ZNF385C: variants seen among roughly 807,000 people sequenced by gnomAD.
ZNF385C encodes CTD-2132N18.2.
A neutral mutation model predicts 35.4 loss-of-function variants in ZNF385C; 28 were observed. The ratio of observed to expected loss-of-function variants is 0.79; its 90% CI spans 0.59 to 1.08. ZNF385C has a LOEUF of 1.08. Among genes scored for constraint, ZNF385C ranks in the 50% least tolerant of loss-of-function variants. The probability of loss-of-function intolerance (pLI) is 0.00; values close to 1 mark genes in which losing one functional copy is unlikely to be tolerated. For missense variants in ZNF385C, 605 were observed against 595.6 expected (o/e 1.02, Z -0.16); for synonymous variants, 248 against 248.2 (o/e 1.00, Z 0.01).
intron 1 of ZNF385C, among the ~76,000 whole-genome samples, chr17:42,089,220 G>A (rs142559869): frequency 0.053 from 8,034 of 152,178 alleles, 224 homozygotes; most frequent in Non-Finnish European, 0.061. Flanking sequence ...GGAGGCTGAG[G>A]TGGGAGGATA....
intron 2 of ZNF385C, chr17:42,040,246 T>G: frequency 1.6e-6 from 2 of 1,231,248 alleles, no homozygotes; most frequent in Non-Finnish European, 2.0e-6. Flanking sequence ...CCGCATGGAG[T>G]CCAGGAAGGA....
chr17:42,058,708 C>T (rs562220740), intron 2 of ZNF385C, among the ~76,000 whole-genome samples: 12 of 152,270 alleles, frequency 7.9e-5, no homozygotes, highest in African/African-American at 2.2e-4. Context: ...CAGGCTAGAG[C>T]GCAGTGGCGT....
chr17:42,089,658 A>C (rs1555660352), intron 1 of ZNF385C, among the ~76,000 whole-genome samples: 1 of 152,076 alleles, frequency 6.6e-6, no homozygotes, highest in Non-Finnish European at 1.5e-5. Context: ...TTTTGGTTTT[A>C]ATTTAAATCT....
At chr17:42,031,035 G>A (rs2143538982) in intron 5 of ZNF385C, among the ~76,000 whole-genome samples, 1 of 125,900 alleles carries the variant, frequency 7.9e-6, no homozygotes, top group South Asian at 2.8e-4. Flanking sequence ...AGTCACCCAG[G>A]TTGTAGTCTC....
intron 2 of ZNF385C, chr17:42,038,256 T>A (rs1409600853): frequency 1.8e-6 from 1 of 555,474 alleles, no homozygotes; most frequent in Non-Finnish European, 3.1e-6. Context: ...TCCATTTTAT[T>A]GCAAATTAAA....
chr17:42,049,976 G>C (rs1158619643), intron 2 of ZNF385C, among the ~76,000 whole-genome samples: 1 of 152,216 alleles, frequency 6.6e-6, no homozygotes, highest in Non-Finnish European at 1.5e-5. Context: ...CTATTGGACA[G>C]AGCTGCTATA....
chr17:42,093,671 C>G (rs1468199635), intron 1 of ZNF385C, among the ~76,000 whole-genome samples: 2 of 151,622 alleles, frequency 1.3e-5, no homozygotes, highest in Non-Finnish European at 2.9e-5. Context: ...ACCTGTACCT[C>G]CCAGGCTCAG....
intron 1 of ZNF385C, among the ~76,000 whole-genome samples, chr17:42,087,549 A>G (rs1567997490): frequency 6.6e-6 from 1 of 152,240 alleles, no homozygotes; most frequent in Non-Finnish European, 1.5e-5. Context: ...AAAGAGTTTT[A>G]AAGACAAAAC....
At chr17:42,069,872 G>A (rs576098999) in intron 1 of ZNF385C, among the ~76,000 whole-genome samples, 22 of 152,014 alleles carry the variant, frequency 1.4e-4, no homozygotes, top group Middle Eastern at 3.4e-3. Flanking sequence ...GTGAAACCCC[G>A]TCTCTACTAA....
chr17:42,039,545 G>C (rs988643504), intron 2 of ZNF385C: 3 of 590,122 alleles, frequency 5.1e-6, no homozygotes, highest in African/African-American at 1.9e-5. Context: ...CACAGGGTGG[G>C]GGGGGTTGGT....
intron 1 of ZNF385C, among the ~76,000 whole-genome samples, chr17:42,068,201 C>T (rs1175168358): frequency 6.6e-6 from 1 of 152,172 alleles, no homozygotes; most frequent in Non-Finnish European, 1.5e-5. Context: ...CTGTCTAACC[C>T]TGCCCTGAGC....
intron 2 of ZNF385C, chr17:42,062,594 C>A: frequency 2.5e-6 from 1 of 394,048 alleles, no homozygotes; most frequent in Non-Finnish European, 4.5e-6. Context: ...TAAGGACCCA[C>A]AGATTCCGAG....
chr17:42,091,068 G>C (rs1555660517), intron 1 of ZNF385C, among the ~76,000 whole-genome samples: 2 of 152,152 alleles, frequency 1.3e-5, no homozygotes, highest in African/African-American at 4.8e-5. Context: ...GTAGGGGCTG[G>C]GACAGGGTAG....
Position 42,025,820 on chromosome 17 carries a change from G to C in ZNF385C, c.*1077C>G, listed in dbSNP as rs1477001945. 6.6e-6 allele frequency: 1 copy of C among 152,312 alleles called. No individual in the cohort carries two copies. Among genetic ancestry groups the C allele is most frequent in the Non-Finnish European group, 1.5e-5 (1 of 68,060 alleles). The allele number at this position is 152,312 out of a possible 1,614,324, so 9.4% of individuals were successfully genotyped here. A position where few individuals can be genotyped will look rare whatever the true frequency, so the allele number is the denominator to read the frequency against. ...CAGCATGAAAATGGGTCTTGCCAGT[G>C]CATGTGAGACTGCCTCCCAACACTC... On this transcript the variant is annotated 3_prime_UTR_variant, in exon 9 of 9. Coordinates refer to ENST00000692273, the MANE Select transcript of ZNF385C (RefSeq NM_001392013.1).
At chr17:42,072,682 C>T (rs1196836893) in intron 1 of ZNF385C, among the ~76,000 whole-genome samples, 1 of 152,134 alleles carries the variant, frequency 6.6e-6, no homozygotes, top group Non-Finnish European at 1.5e-5. Context: ...TCCGAGCCCG[C>T]CCCCGGGCGG....
chr17:42,027,200 C>T, intron 8 of ZNF385C, 67 bp from the exon 9 acceptor site: 1 of 1,419,240 alleles, frequency 7.0e-7, no homozygotes, highest in African/African-American at 1.4e-5. Context: ...CCCTGGGGCC[C>T]ATCCTCAAGC....
Position 42,049,654 on chromosome 17 carries a change from GC to G in ZNF385C, c.251-11770del, listed in dbSNP as rs1456022207. ...GATCTCAGAATGGGGGCAGAGGGGT[GC>G]AAAAGCAAGGTGATGCCCTTCTGGA... On this transcript the variant is annotated intron_variant, in intron 2 of 8. Coordinates refer to ENST00000692273, the MANE Select transcript of ZNF385C (RefSeq NM_001392013.1). 2.6e-5 allele frequency among the ~76,000 whole-genome samples: 4 copies of G among 152,346 alleles called. No individual in the cohort carries two copies. The East Asian group carries it at 5.8e-4, about 22-fold the overall frequency.
At chr17:42,057,391 A>C (rs2053392931) in intron 2 of ZNF385C, among the ~76,000 whole-genome samples, 1 of 152,100 alleles carries the variant, frequency 6.6e-6, no homozygotes, top group Non-Finnish European at 1.5e-5. Context: ...CTGTCCCCCG[A>C]TGCCCTGTGC....
intron 5 of ZNF385C, 111 bp downstream of exon 5, chr17:42,031,508 T>C (rs1555654986): frequency 1.5e-6 from 2 of 1,353,672 alleles, no homozygotes; most frequent in African/African-American, 1.5e-5. Flanking sequence ...TTTGCCTGTC[T>C]GTATGGAATA....
Sources: gnomAD v4.1 joint callset for allele counts (sites outside exome capture counted in the v4.1 genomes callset) on GRCh38, gnomAD v4.1.1 for gene constraint, MANE v1.5 for transcripts, NCBI Gene and HGNC (gene_info 2026-07-23, HGNC 2026-07-21) for gene names.